Variants in NOSIP observed in about 807,000 individuals in gnomAD.
NOSIP encodes nitric oxide synthase interacting protein.
A neutral mutation model predicts 36.4 loss-of-function variants in NOSIP; 25 were observed. The ratio of observed to expected loss-of-function variants is 0.69; its 90% CI spans 0.50 to 0.96. NOSIP has a LOEUF of 0.96. Ranked by LOEUF, NOSIP falls within the 40% of genes least tolerant of loss-of-function variation. The probability of loss-of-function intolerance (pLI) is 0.00; values close to 1 mark genes in which losing one functional copy is unlikely to be tolerated. For missense variants in NOSIP, 370 were observed against 429.0 expected, an observed-to-expected ratio of 0.86 and a Z score of 1.21; for synonymous variants, 187 against 179.2, an observed-to-expected ratio of 1.04 and a Z score of -0.35.
intron 1 of NOSIP, among the ~76,000 whole-genome samples, chr19:49,578,626 T>C (rs944683027): frequency 5.3e-5 from 8 of 151,602 alleles, no homozygotes; most frequent in East Asian, 3.9e-4. Context: ...GGCAACATAG[T>C]GACACCTTGT....
rs539202983 is a variant in NOSIP, at chr19:49,565,985, T to A, written c.-1-5293A>T. Among the ~76,000 whole-genome samples the A allele has an allele frequency of 4.9e-4, 74 of 152,158 alleles. 1 individual carries two copies. The highest frequency in any genetic ancestry group is 8.5e-4 in the Non-Finnish European group (58 of 67,978). On this transcript the variant is annotated intron_variant, in intron 1 of 8. Coordinates refer to ENST00000596358, the MANE Select transcript of NOSIP (RefSeq NM_001270960.2). ...AATGTCTAGCACGTGTCCAAGGATG[T>A]TTTTCAGATAAATTCTTTTTTTCTT...
At chr19:49,564,320 G>A (rs966061651) in intron 1 of NOSIP, among the ~76,000 whole-genome samples, 25 of 151,986 alleles carry the variant, frequency 1.6e-4, no homozygotes, top group African/African-American at 5.1e-4. Context: ...TGGTCGTGGT[G>A]GTGTGCGCCT....
intron 1 of NOSIP, among the ~76,000 whole-genome samples, chr19:49,578,134 T>A (rs1009327401): frequency 1.3e-5 from 2 of 152,126 alleles, no homozygotes; most frequent in Non-Finnish European, 2.9e-5. Context: ...CTAATGCTTT[T>A]TTTTTTTGAG....
intron 1 of NOSIP, among the ~76,000 whole-genome samples, chr19:49,561,419 T>C (rs1346873372): frequency 6.6e-6 from 1 of 152,174 alleles, no homozygotes; most frequent in Admixed American, 6.6e-5. Flanking sequence ...AAAACCAGAA[T>C]AGTATAAGGA....
At chr19:49,574,296 T>C (rs933632683) in intron 1 of NOSIP, among the ~76,000 whole-genome samples, 1 of 152,174 alleles carries the variant, frequency 6.6e-6, no homozygotes, top group Non-Finnish European at 1.5e-5. Context: ...AACTGCTTCT[T>C]GGACATGACT....
chr19:49,561,713 C>G (rs987037689), intron 1 of NOSIP, among the ~76,000 whole-genome samples: 1 of 152,052 alleles, frequency 6.6e-6, no homozygotes, highest in African/African-American at 2.4e-5. Context: ...GAAACCCCGT[C>G]TCTACTAAAA....
At chr19:49,562,839 C>G (rs2080353430) in intron 1 of NOSIP, among the ~76,000 whole-genome samples, 1 of 152,054 alleles carries the variant, frequency 6.6e-6, no homozygotes, top group African/African-American at 2.4e-5. Flanking sequence ...GAGATTGCAC[C>G]ACTACACTCC....
rs1199624335 is a variant in NOSIP at position 49,555,680 on chromosome 19, C to T, written c.*71G>A. 7.6e-7 allele frequency: 1 copy of T among 1,323,542 alleles called. No individual in the cohort carries two copies. Among genetic ancestry groups the T allele is most frequent in the Non-Finnish European group, 1.1e-6 (1 of 921,990 alleles). 82.0% of individuals were successfully genotyped at this position (1,323,542 alleles called of 1,614,324 possible). A position where few individuals can be genotyped will look rare whatever the true frequency, so the allele number is the denominator to read the frequency against. ...ATCCTCGCCTGCCCTGTCCCCGGGG[C>T]GCCCACGCCGCGAATGAAGGCGCCA... On this transcript the variant is annotated 3_prime_UTR_variant, in exon 9 of 9. Coordinates refer to ENST00000596358, the MANE Select transcript of NOSIP (RefSeq NM_001270960.2).
rs2122801275 is a variant in NOSIP at position 49,560,779 on chromosome 19, C to T, written c.-1-87G>A. On this transcript the variant is annotated intron_variant, in intron 1 of 8. Coordinates refer to ENST00000596358, the MANE Select transcript of NOSIP (RefSeq NM_001270960.2). This position sits in a 1 kb window ranked among gnomAD's most constrained non-coding sequence, Gnocchi z 4.6. Reference sequence around the variant, plus strand: ...CTCTGCAGCCCTCAGAGCTGATCTGCCCCCCTTGATGGGAAAGCGGAGGCG... The same window carrying T: ...CTCTGCAGCCCTCAGAGCTGATCTGTCCCCCTTGATGGGAAAGCGGAGGCG... The T allele has an allele frequency of 3.9e-6, 4 of 1,026,366 alleles. No homozygotes were observed. The South Asian group carries it at 5.5e-5, about 14-fold the overall frequency. 63.6% of individuals were successfully genotyped at this position (1,026,366 alleles called of 1,614,324 possible).
intron 1 of NOSIP, among the ~76,000 whole-genome samples, chr19:49,573,243 G>A (rs1018099505): frequency 1.3e-5 from 2 of 152,154 alleles, no homozygotes; most frequent in African/African-American, 4.8e-5. Context: ...GCACTGTGCT[G>A]AACTCTGGGA....
Position 49,557,109 on chromosome 19 carries a change from G to T in NOSIP, c.399C>A (p.Ala133=). The T allele has an allele frequency of 6.2e-7, 1 of 1,612,646 alleles. No individual in the cohort carries two copies. Reference sequence around the variant, plus strand: ...AGTCACCTGGGCTGGTGCCCGAGAGGGCCTTGGCTGTGAAAGGGTTGAGGG... The same window carrying T: ...AGTCACCTGGGCTGGTGCCCGAGAGTGCCTTGGCTGTGAAAGGGTTGAGGG... ...SRPLNPFTAK[A]LSGTSPDDVQ... Residue 133 remains alanine, a synonymous_variant, in exon 5 of 9, where the codon GCC becomes GCA. Transcript: ENST00000596358.
At chr19:49,566,804 T>TAC (rs2080414558) in intron 1 of NOSIP, 1 of 150,242 alleles carries the variant, frequency 6.7e-6, no homozygotes, top group African/African-American at 2.5e-5. Flanking sequence ...CATATATATA[T>TAC]ATACACACAT....
chr19:49,564,086 C>A (rs2080370520), intron 1 of NOSIP, among the ~76,000 whole-genome samples: 1 of 152,084 alleles, frequency 6.6e-6, no homozygotes, highest in Non-Finnish European at 1.5e-5. Flanking sequence ...TGTGACACTG[C>A]AACACTAAAT....
intron 8 of NOSIP, 60 bp from the exon 9 acceptor site, chr19:49,555,882 C>G (rs2080230838): frequency 1.6e-6 from 2 of 1,285,258 alleles, no homozygotes; most frequent in South Asian, 2.4e-5. Flanking sequence ...CAGTGGGGCT[C>G]CAGGTGGTAG....
chr19:49,579,900 T>C (rs2080603338), intron 1 of NOSIP, among the ~76,000 whole-genome samples: 1 of 151,996 alleles, frequency 6.6e-6, no homozygotes, highest in Non-Finnish European at 1.5e-5. Context: ...AACATTAACA[T>C]CAAACTGCCT....
At chr19:49,579,260 C>T (rs1329472710) in intron 1 of NOSIP, 1 of 152,154 alleles carries the variant, frequency 6.6e-6, no homozygotes, top group Non-Finnish European at 1.5e-5. Flanking sequence ...GTGGTCATAT[C>T]AGCAATGTTT....
intron 4 of NOSIP, chr19:49,557,488 C>A: frequency 7.5e-7 from 1 of 1,334,754 alleles, no homozygotes; most frequent in Non-Finnish European, 9.7e-7. Context: ...TATGACCTCT[C>A]CTGGCCTCAG....
chr19:49,555,706 C>G lies in NOSIP; in HGVS notation c.*45G>C, dbSNP rs553728144. 6.4e-7 allele frequency: 1 copy of G among 1,559,732 alleles called. No homozygotes were observed. Among genetic ancestry groups the G allele is most frequent in the African/African-American group, 1.4e-5 (1 of 73,880 alleles). On this transcript the variant is annotated 3_prime_UTR_variant, in exon 9 of 9. Coordinates refer to ENST00000596358, the MANE Select transcript of NOSIP (RefSeq NM_001270960.2). ...GCCCACGCCGCGAATGAAGGCGCCA[C>G]GTCGTTGCGCACCCAAGCCGGTTTA... is the stretch of plus-strand genomic sequence containing the variant.
intron 1 of NOSIP, among the ~76,000 whole-genome samples, chr19:49,575,578 AT>A (rs1390617815): frequency 6.6e-6 from 1 of 152,170 alleles, no homozygotes; most frequent in East Asian, 1.9e-4. Context: ...TTTACATTCA[AT>A]TTCCTGATTC....
Sources: allele counts gnomAD v4.1 joint callset (sites outside exome capture counted in the v4.1 genomes callset), GRCh38; gene constraint gnomAD v4.1.1; non-coding constraint Gnocchi (gnomAD v3.1); transcripts MANE v1.5; gene names NCBI Gene and HGNC (gene_info 2026-07-23, HGNC 2026-07-21).